DYNC2I2: variants seen among roughly 807,000 people sequenced by gnomAD.
DYNC2I2 encodes dynein 2 intermediate chain 2.
A neutral mutation model predicts 52.0 loss-of-function variants in DYNC2I2; 39 were observed. The observed-to-expected ratio is 0.75, with a 90% CI of 0.58 to 0.98. DYNC2I2 has a LOEUF of 0.98. DYNC2I2 is among the 50% of genes least tolerant of loss of function. DYNC2I2 has a pLI of 0.00. For synonymous variants in DYNC2I2, 359 were observed against 321.1 expected, an observed-to-expected ratio of 1.12 and a Z score of -1.26; for missense variants, 743 against 728.4, an observed-to-expected ratio of 1.02 and a Z score of -0.23.
At chr9:128,645,598 C>T (rs1433843237) in intron 1 of DYNC2I2, among the ~76,000 whole-genome samples, 1 of 79,036 alleles carries the variant, frequency 1.3e-5, no homozygotes. Flanking sequence ...GCCTGGGCAA[C>T]AAAGTGAGAC....
In DYNC2I2 at chr9:128,635,624, A is replaced by G. The variant is rs1860391072; in HGVS notation, c.813+34T>C. On this transcript the variant is annotated intron_variant, in intron 5 of 8. Coordinates refer to ENST00000372715, the MANE Select transcript of DYNC2I2 (RefSeq NM_052844.4). ...GGCGCCCTCTCCCCAGCTCTGCCTC[A>G]GGGCCCACCCCGCCCGGCAGCCCCT... 4 of 1,559,288 alleles carry G rather than the reference A, an allele frequency of 2.6e-6. 1 individual carries two copies. The South Asian group carries it at 4.7e-5, about 18-fold the overall frequency.
At chr9:128,635,488 C>G (rs1860384141) in intron 5 of DYNC2I2, 170 bp downstream of exon 5, 2 of 795,928 alleles carry the variant, frequency 2.5e-6, no homozygotes, top group African/African-American at 1.7e-5. Flanking sequence ...GGAATGGCCA[C>G]AGGGCCCTGG....
In DYNC2I2 at chr9:128,635,116, C is replaced by T. The variant is rs75450756; in HGVS notation, c.957G>A (p.Leu319=). 7,853 of 1,612,520 alleles carry T rather than the reference C, an allele frequency of 4.9e-3. 144 individuals carry two copies. The East Asian group carries it at 0.063, about 13-fold the overall frequency. Residue 319 remains leucine (L), a synonymous_variant, in exon 6 of 9, where the codon CTG becomes CTA. Coordinates refer to ENST00000372715, the MANE Select transcript of DYNC2I2 (RefSeq NM_052844.4). ...TEGFALVMQQ[L]PRSTKLKKHP... ...CCTTCTTGAGCTTGGTGCTCCGTGGCAGCTGCTGCATGACCAGGGCGAAGC... is the reference window on the plus strand; with the variant it reads ...CCTTCTTGAGCTTGGTGCTCCGTGGTAGCTGCTGCATGACCAGGGCGAAGC...
rs1281055765 is a variant in DYNC2I2, at chr9:128,634,720, T to C, written c.1183A>G (p.Ile395Val). ...QFTFSPHGGP[I>V]YSVSCSPFHR... ...AAGGGGGAACAGCTCACAGAGTAGA[T>C]GGGACCGCCGTGGGGGGAGAAGGTA... The change falls in exon 7 of 9, where the codon ATC becomes GTC. Residue 395 changes from isoleucine to valine, a missense_variant. Transcript: ENST00000372715. 1.9e-6 allele frequency: 3 copies of C among 1,587,782 alleles called. No individual in the cohort carries two copies. In the East Asian group the frequency reaches 6.9e-5, roughly 36 times the overall value.
At chr9:128,643,890 G>C (rs1191583516) in intron 1 of DYNC2I2, among the ~76,000 whole-genome samples, 1 of 152,180 alleles carries the variant, frequency 6.6e-6, no homozygotes, top group Non-Finnish European at 1.5e-5. Flanking sequence ...ATTCCCGGGG[G>C]AGGTCACAAA....
chr9:128,674,414 A>G, the DYNC2I2 span, among the ~76,000 whole-genome samples: 5 of 149,758 alleles, frequency 3.3e-5, no homozygotes, highest in African/African-American at 9.7e-5. Context: ...GATTACAGGC[A>G]TGAGCCACCA....
the DYNC2I2 span, among the ~76,000 whole-genome samples, chr9:128,680,312 C>T: frequency 6.6e-6 from 1 of 151,992 alleles, no homozygotes; most frequent in African/African-American, 2.4e-5. Context: ...CCTCCAGCCT[C>T]GGCCTCCCAA....
chr9:128,641,664 C>T (rs570804175), intron 1 of DYNC2I2, among the ~76,000 whole-genome samples: 9 of 152,256 alleles, frequency 5.9e-5, no homozygotes, highest in African/African-American at 1.2e-4. Context: ...GGGCTCTCCT[C>T]GGGTGGCTGC....
chr9:128,658,444 C>G (rs1860877342), upstream of DYNC2I2, among the ~76,000 whole-genome samples: 1 of 151,876 alleles, frequency 6.6e-6, no homozygotes, highest in East Asian at 1.9e-4. Flanking sequence ...GGATTACAGG[C>G]GTGGGCCACT....
chr9:128,682,737 G>A, the DYNC2I2 span, among the ~76,000 whole-genome samples: 2 of 134,578 alleles, frequency 1.5e-5, no homozygotes, highest in South Asian at 4.8e-4. Context: ...GTGCAGTGTT[G>A]CGATCTCAGC....
intron 5 of DYNC2I2, 58 bp from the exon 6 acceptor site, chr9:128,635,317 C>T (rs1860374377): frequency 1.2e-5 from 19 of 1,558,562 alleles, no homozygotes; most frequent in Middle Eastern, 1.8e-4. Context: ...CCAGGTGTCA[C>T]GCTCCACCCC....
Position 128,635,995 on chromosome 9 carries a change from C to T in DYNC2I2, c.704-228G>A, listed in dbSNP as rs1335388178. 9 of 675,668 alleles carry T rather than the reference C, an allele frequency of 1.3e-5. 1 individual carries two copies. The highest frequency in any genetic ancestry group is 5.4e-5 in the East Asian group (2 of 36,828). 41.9% of individuals were successfully genotyped at this position (675,668 alleles called of 1,614,324 possible). A position where few individuals can be genotyped will look rare whatever the true frequency, so the allele number is the denominator to read the frequency against. The stretch of plus-strand genomic sequence containing the variant: ...CCCTGCACCTGGCAGCTCCCTCCAG[C>T]GTTGCCTGCCCCCTACCACTGACGG... On this transcript the variant is annotated intron_variant, in intron 4 of 8. Transcript: ENST00000372715.
upstream of DYNC2I2, among the ~76,000 whole-genome samples, chr9:128,661,569 G>C (rs1278187285): frequency 6.6e-6 from 1 of 152,068 alleles, no homozygotes; most frequent in Non-Finnish European, 1.5e-5. Context: ...AGTGAGCCGA[G>C]ATTGAGCCGT....
intron 5 of DYNC2I2, 156 bp from the exon 6 acceptor site, chr9:128,635,415 CCCAGGGCCCT>C (rs958105897): frequency 6.1e-5 from 59 of 963,808 alleles, no homozygotes; most frequent in Non-Finnish European, 7.8e-5. Flanking sequence ...CTGGAGGGTT[CCCAGGGCCCT>C]CTCCAGTCCC....
Position 128,634,670 on chromosome 9 carries a change from C to T in DYNC2I2, c.1214+19G>A, listed in dbSNP as rs1404832252. ...AGGGACACCCTGGCCCCACTGTGCC[C>T]CAGGCCTGCCCTACGTACCTGTGGA... On this transcript the variant is annotated intron_variant, in intron 7 of 8. Transcript: ENST00000372715. The T allele has an allele frequency of 6.6e-7, 1 of 1,515,332 alleles. No homozygotes were observed. Among genetic ancestry groups the T allele is most frequent in the African/African-American group, 1.4e-5 (1 of 72,502 alleles). 93.9% of individuals were successfully genotyped at this position (1,515,332 alleles called of 1,614,324 possible).
intron 1 of DYNC2I2, among the ~76,000 whole-genome samples, chr9:128,644,781 C>A (rs1408901035): frequency 6.6e-6 from 1 of 152,244 alleles, no homozygotes; most frequent in Non-Finnish European, 1.5e-5. Flanking sequence ...ATTTTCCCTA[C>A]AGCATGCGCT....
intron 1 of DYNC2I2, among the ~76,000 whole-genome samples, chr9:128,647,329 G>A (rs891824548): frequency 1.3e-5 from 2 of 152,128 alleles, no homozygotes; most frequent in Non-Finnish European, 2.9e-5. Context: ...CCGCCCCCGG[G>A]GGAAGTCAGA....
chr9:128,681,076 C>T, the DYNC2I2 span, among the ~76,000 whole-genome samples: 1 of 152,070 alleles, frequency 6.6e-6, no homozygotes, highest in African/African-American at 2.4e-5. Flanking sequence ...CACATCATTC[C>T]GAGTACCAGT....
the DYNC2I2 span, among the ~76,000 whole-genome samples, chr9:128,666,289 T>C: frequency 7.0e-6 from 1 of 142,662 alleles, no homozygotes. Flanking sequence ...GGCTGAGGCA[T>C]GAGAATTGCT....
Sources: gnomAD v4.1 joint callset for allele counts (sites outside exome capture counted in the v4.1 genomes callset) on GRCh38, gnomAD v4.1.1 for gene constraint, MANE v1.5 for transcripts, NCBI Gene and HGNC (gene_info 2026-07-23, HGNC 2026-07-21) for gene names.